The following PAG1 variants were observed in gnomAD, a reference collection of about 807,000 sequenced individuals.
The protein encoded by PAG1 is phosphoprotein membrane anchor with glycosphingolipid microdomains 1.
In PAG1, 23 loss-of-function variants were observed where a neutral mutation model predicts 31.7. That is an observed-to-expected ratio of 0.73 (90% CI 0.52 to 1.03). The LOEUF (loss-of-function observed/expected upper bound fraction) is 1.03. Among genes scored for constraint, PAG1 ranks in the 50% least tolerant of loss-of-function variants. The pLI, the probability that PAG1 is intolerant of heterozygous loss-of-function variation, is 0.00. For synonymous variants in PAG1, 214 were observed against 210.3 expected (o/e 1.02, Z -0.15); for missense variants, 473 against 540.7 (o/e 0.87, Z 1.24).
chr8:81,022,519 T>G (rs559770660), intron 3 of PAG1, among the ~76,000 whole-genome samples: 3 of 152,316 alleles, frequency 2.0e-5, no homozygotes, highest in Admixed American at 2.0e-4. Context: ...ATGTAAAATT[T>G]ACTTACTATA....
chr8:81,025,391 C>T lies in PAG1; in HGVS notation c.-81+4605G>A, dbSNP rs540466956. Among the ~76,000 whole-genome samples, 25 of 152,206 alleles carry T rather than the reference C, an allele frequency of 1.6e-4. No homozygotes were observed. In the East Asian group the frequency reaches 4.3e-3, roughly 26 times the overall value. ...CTTTGTTTGTTTTCTCTTTTGGGGG[C>T]GCCCAAATGAGAGAGAGCTGCACCC... On this transcript the variant is annotated intron_variant, in intron 3 of 8. Transcript: ENST00000220597.
In PAG1 at chr8:80,985,324, T is replaced by C; in HGVS notation, c.328A>G (p.Thr110Ala). ...GAATCCAGCAGATCCGAGGCCGATGTCTGGACTTCCTCGTAATGCTGCATG... is the reference window on the plus strand; with the variant it reads ...GAATCCAGCAGATCCGAGGCCGATGCCTGGACTTCCTCGTAATGCTGCATG... ...TCMQHYEEVQ[T>A]SASDLLDSQD... Residue 110 changes from threonine to alanine, a missense_variant, in exon 7 of 9, where the codon ACA (threonine) becomes GCA (alanine). Physicochemically the swap from Thr to Ala is moderately conservative, Grantham distance 58. Transcript: ENST00000220597. 1 of 1,614,154 alleles carries C rather than the reference T, an allele frequency of 6.2e-7. No homozygotes were observed. The highest frequency in any genetic ancestry group is 8.5e-7 in the Non-Finnish European group (1 of 1,179,988).
At chr8:81,048,223 T>G (rs1488690264) in intron 2 of PAG1, among the ~76,000 whole-genome samples, 1 of 152,214 alleles carries the variant, frequency 6.6e-6, no homozygotes. Context: ...CTTTTCCTTC[T>G]GCTCTTAGAT....
chr8:81,091,164 G>A (rs1192435301), intron 1 of PAG1, among the ~76,000 whole-genome samples: 2 of 152,164 alleles, frequency 1.3e-5, no homozygotes, highest in Non-Finnish European at 2.9e-5. Flanking sequence ...TGTTTTATTG[G>A]CCTCCTCTAT....
At chr8:81,091,643 T>C (rs1809447754) in intron 1 of PAG1, among the ~76,000 whole-genome samples, 1 of 152,186 alleles carries the variant, frequency 6.6e-6, no homozygotes, top group Admixed American at 6.5e-5. Flanking sequence ...CACGGTTTTA[T>C]ATGTGATCCA....
intron 4 of PAG1, 120 bp from the exon 5 acceptor site, chr8:80,991,650 T>A: frequency 1.3e-6 from 1 of 761,282 alleles, no homozygotes; most frequent in Non-Finnish European, 2.3e-6. Context: ...GAACCATGTT[T>A]ATTTTGTCAA....
rs960713607 is a variant in PAG1, at chr8:80,972,899, G to C, written c.*3645C>G. On this transcript the variant is annotated 3_prime_UTR_variant, in exon 9 of 9. Coordinates refer to ENST00000220597, the MANE Select transcript of PAG1 (RefSeq NM_018440.4). ...TAGAACATATCCTAATTAAGCACCA[G>C]AGTTGTGTCAGAGCCAAGTATATAC... 12 of 151,636 alleles carry C rather than the reference G, an allele frequency of 7.9e-5. No homozygotes were observed. The highest frequency in any genetic ancestry group is 2.9e-4 in the African/African-American group (12 of 41,154). The allele number at this position is 151,636 out of a possible 1,614,324, so 9.4% of individuals were successfully genotyped here. A position where few individuals can be genotyped will look rare whatever the true frequency, so the allele number is the denominator to read the frequency against.
intron 1 of PAG1, among the ~76,000 whole-genome samples, chr8:81,071,774 AGAG>A (rs1586202217): frequency 2.6e-5 from 4 of 152,364 alleles, no homozygotes; most frequent in East Asian, 1.9e-4. Flanking sequence ...GCAAGGGATA[AGAG>A]GAGTATGAAC....
chr8:81,035,082 CA>C (rs1808441348), intron 2 of PAG1, among the ~76,000 whole-genome samples: 1 of 152,174 alleles, frequency 6.6e-6, no homozygotes, highest in East Asian at 1.9e-4. Context: ...CCAGCTATCG[CA>C]GGGAGGCAAA....
chr8:81,079,766 C>T (rs1025368148), intron 1 of PAG1, among the ~76,000 whole-genome samples: 13 of 151,910 alleles, frequency 8.6e-5, no homozygotes, highest in African/African-American at 3.1e-4. Context: ...CAATTTATTT[C>T]ATTTATTTAT....
At chr8:81,038,503 C>T (rs2130822751) in intron 2 of PAG1, among the ~76,000 whole-genome samples, 1 of 152,218 alleles carries the variant, frequency 6.6e-6, no homozygotes, top group East Asian at 1.9e-4. Context: ...AGATTGTTGT[C>T]CGTAAAATGC....
chr8:80,989,769 G>A (rs1807500751), intron 5 of PAG1, among the ~76,000 whole-genome samples: 1 of 152,116 alleles, frequency 6.6e-6, no homozygotes, highest in South Asian at 2.1e-4. Flanking sequence ...TGGATCACCT[G>A]GGGTGCTTGC....
intron 2 of PAG1, among the ~76,000 whole-genome samples, chr8:81,055,704 A>T (rs1808808148): frequency 6.6e-6 from 1 of 151,954 alleles, no homozygotes. Context: ...TAGGTATTTT[A>T]TTCTCTTTGA....
chr8:80,974,584 A>AAAAGTT lies in PAG1; in HGVS notation c.*1959_*1960insAACTTT. 6.6e-6 allele frequency: 1 copy of AAAAGTT among 152,354 alleles called. No individual in the cohort carries two copies. The highest frequency in any genetic ancestry group is 1.5e-5 in the Non-Finnish European group (1 of 68,040). The allele number at this position is 152,354 out of a possible 1,614,324, so 9.4% of individuals were successfully genotyped here. ...TTACCTCAACATAGCTCACTCTGCA[A>AAAAGTT]TGTCAGACATGCAGTGTAGAGCAGT... On this transcript the variant is annotated 3_prime_UTR_variant, in exon 9 of 9. Transcript: ENST00000220597.
chr8:80,992,296 TCTC>T (rs1005510035), intron 4 of PAG1, among the ~76,000 whole-genome samples: 37 of 152,230 alleles, frequency 2.4e-4, no homozygotes, highest in African/African-American at 8.9e-4. Context: ...TCTTGGCTTT[TCTC>T]CTCCTGACAG....
Position 80,991,527 on chromosome 8 carries a change from T to C in PAG1, c.129A>G (p.Glu43=). The change falls in exon 5 of 9, where the codon GAA becomes GAG. Residue 43 remains glutamate, a synonymous_variant. Transcript: ENST00000220597. ...LIFLCSSCDR[E]KKPRQHSGDH... is the part of the protein sequence containing the mutation. ...CCCCACTATGCTGTCGCGGCTTCTTTTCCCTGAAATGAAAAGTGAAATGTT... is the reference window on the plus strand; with the variant it reads ...CCCCACTATGCTGTCGCGGCTTCTTCTCCCTGAAATGAAAAGTGAAATGTT... The C allele has an allele frequency of 6.2e-7, 1 of 1,612,564 alleles. No individual in the cohort carries two copies.
At chr8:81,061,893 T>C (rs939584842) in intron 2 of PAG1, among the ~76,000 whole-genome samples, 3 of 151,844 alleles carry the variant, frequency 2.0e-5, no homozygotes, top group African/African-American at 7.2e-5. Context: ...TTTCAACCTA[T>C]AAAAGCCATC....
intron 2 of PAG1, among the ~76,000 whole-genome samples, chr8:81,063,273 G>A (rs559445691): frequency 6.6e-5 from 10 of 152,274 alleles, no homozygotes; most frequent in African/African-American, 2.4e-4. Context: ...AGTTGAGGGA[G>A]GGTTTTTATT....
At chr8:80,984,062 T>G (rs1490029258) in intron 7 of PAG1, among the ~76,000 whole-genome samples, 1 of 152,196 alleles carries the variant, frequency 6.6e-6, no homozygotes, top group Non-Finnish European at 1.5e-5. Flanking sequence ...AACCTTCCTC[T>G]TTTTCTGTGT....
Sources: allele counts gnomAD v4.1 joint callset (sites outside exome capture counted in the v4.1 genomes callset), GRCh38; gene constraint gnomAD v4.1.1; transcripts MANE v1.5; gene names NCBI Gene and HGNC (gene_info 2026-07-23, HGNC 2026-07-21).